Variants in ZNF420 observed in about 807,000 individuals in gnomAD.
ZNF420 encodes the protein zinc finger protein 420.
ZNF420 carries 31 observed loss-of-function variants against 44.7 expected under a neutral mutation model. That is an observed-to-expected ratio of 0.69 (90% CI 0.52 to 0.94). The LOEUF (loss-of-function observed/expected upper bound fraction) is 0.94, where lower values mean the gene tolerates loss of function less well. ZNF420 is among the 40% of genes least tolerant of loss of function. The pLI is 0.00. For missense variants in ZNF420, 681 were observed against 827.9 expected, an observed-to-expected ratio of 0.82 and a Z score of 2.18; for synonymous variants, 245 against 267.4, an observed-to-expected ratio of 0.92 and a Z score of 0.82.
At chr19:37,094,551 T>G (rs1969332048) in intron 4 of ZNF420, among the ~76,000 whole-genome samples, 1 of 152,152 alleles carries the variant, frequency 6.6e-6, no homozygotes, top group Non-Finnish European at 1.5e-5. Context: ...ATTTATTCAG[T>G]CCACATACAA....
At chr19:37,065,861 A>G (rs773094903) in intron 1 of ZNF420, among the ~76,000 whole-genome samples, 1 of 152,242 alleles carries the variant, frequency 6.6e-6, no homozygotes, top group Non-Finnish European at 1.5e-5. Context: ...TGCATTTTCA[A>G]TAAATGGCAC....
chr19:37,054,177 C>A (rs1967698388), intron 1 of ZNF420, among the ~76,000 whole-genome samples: 1 of 152,210 alleles, frequency 6.6e-6, no homozygotes. Context: ...GATATAATCT[C>A]CTGGTGTGCC....
At position 37,127,929 on chromosome 19, in the gene ZNF420, G is replaced by A. The variant is rs1477570365; in HGVS notation, c.938G>A (p.Gly313Glu). Residue 313 changes from glycine (G) to glutamate (E), a missense_variant, in exon 5 of 5, where the codon GGA (glycine) becomes GAA (glutamate). By Grantham distance (98) the Gly-to-Glu change is moderately conservative (BLOSUM62 -2). Coordinates refer to ENST00000337995, the MANE Select transcript of ZNF420 (RefSeq NM_144689.5). ...AAACCCTATGAATGTAAGGAATGTG[G>A]AAAAGCTTTTATTTGTGGCTCACAG... Reference protein sequence around the residue: ...GEKPYECKECGKAFICGSQLS... With the variant: ...GEKPYECKECEKAFICGSQLS... 2 of 1,614,098 alleles carry A rather than the reference G, an allele frequency of 1.2e-6. No homozygotes were observed. The highest frequency in any genetic ancestry group is 1.7e-6 in the Non-Finnish European group (2 of 1,179,976).
At chr19:37,078,277 G>C (rs549946772), upstream of ZNF420, 1 of 152,372 alleles carries the variant, frequency 6.6e-6, no homozygotes, top group East Asian at 1.9e-4. Context: ...CCGAGCCCAC[G>C]AGCCCCTCGA....
At chr19:37,116,327 C>G (rs1034370128) in intron 4 of ZNF420, among the ~76,000 whole-genome samples, 1 of 147,606 alleles carries the variant, frequency 6.8e-6, no homozygotes, top group Non-Finnish European at 1.5e-5. Context: ...CGAGATCACA[C>G]CACTGCACTT....
Position 37,127,552 on chromosome 19 carries a change from A to T in ZNF420, c.561A>T (p.Arg187Ser). ...SRDSQLSLHQRLHTGEKPYAC... is the reference protein window; with the variant it reads ...SRDSQLSLHQSLHTGEKPYAC... ...ATTCACAACTCAGTCTTCATCAGAG[A>T]CTTCATACTGGTGAGAAACCCTATG... The change falls in exon 5 of 5, where the codon AGA (arginine) becomes AGT (serine). Residue 187 changes from arginine to serine, a missense_variant. This residue lies in a region of ZNF420 where 350 missense variants were observed against 382.5 expected (regional missense o/e 0.92). Coordinates refer to ENST00000337995, the MANE Select transcript of ZNF420 (RefSeq NM_144689.5). The T allele has an allele frequency of 1.2e-6, 2 of 1,613,960 alleles. No homozygotes were observed. Among genetic ancestry groups the T allele is most frequent in the Non-Finnish European group, 1.7e-6 (2 of 1,179,858 alleles).
intron 4 of ZNF420, among the ~76,000 whole-genome samples, chr19:37,119,876 A>T (rs1479168160): frequency 6.7e-6 from 1 of 150,326 alleles, no homozygotes; most frequent in Non-Finnish European, 1.5e-5. Flanking sequence ...ATCTAGAAGA[A>T]ATGGATAAAT....
chr19:37,036,641 TTAAAGATAA>T (rs1967360003), intron 1 of ZNF420, among the ~76,000 whole-genome samples: 1 of 152,218 alleles, frequency 6.6e-6, no homozygotes, highest in Non-Finnish European at 1.5e-5. Flanking sequence ...CCCTTGGTTT[TTAAAGATAA>T]TACAAAGTGG....
At chr19:37,025,825 G>A (rs1470011658) in intron 1 of ZNF420, among the ~76,000 whole-genome samples, 1 of 145,742 alleles carries the variant, frequency 6.9e-6, no homozygotes, top group Non-Finnish European at 1.5e-5. Context: ...TGCCTAGGTT[G>A]GAGTACAGTG....
At chr19:37,095,654 A>T (rs1969401331) in intron 4 of ZNF420, among the ~76,000 whole-genome samples, 1 of 151,772 alleles carries the variant, frequency 6.6e-6, no homozygotes, top group Admixed American at 6.6e-5. Flanking sequence ...GCTGTAGTGC[A>T]GTGGCGCAAT....
At chr19:37,058,325 G>A (rs573218555) in intron 1 of ZNF420, among the ~76,000 whole-genome samples, 3 of 152,252 alleles carry the variant, frequency 2.0e-5, no homozygotes, top group African/African-American at 7.2e-5. Context: ...TGCCTAGAAT[G>A]AGCGGTAGGC....
intron 1 of ZNF420, among the ~76,000 whole-genome samples, chr19:37,059,820 C>A (rs1390432296): frequency 1.3e-5 from 2 of 151,928 alleles, no homozygotes; most frequent in African/African-American, 2.4e-5. Flanking sequence ...CTCACTCTAT[C>A]TCTGTGTGTG....
chr19:37,012,760 ATGTCTCTG>A (rs56341860), intron 1 of ZNF420, among the ~76,000 whole-genome samples: 3,854 of 101,968 alleles, frequency 0.038, 116 homozygotes, highest in South Asian at 0.07. Context: ...CCACTGCTAT[ATGTCTCTG>A]TGTGTGTGTG....
rs1599607169 is a variant in ZNF420 at position 37,034,967 on chromosome 19, G to A, written c.-125+26885G>A. 2.0e-5 allele frequency among the ~76,000 whole-genome samples: 3 copies of A among 152,190 alleles called. No individual in the cohort carries two copies. The South Asian group carries it at 6.2e-4, about 32-fold the overall frequency. On this transcript the variant is annotated intron_variant, in intron 1 of 4. Transcript: ENST00000587029. Reference sequence around the variant, plus strand: ...GTTTCACTTTGCTGAGGGAAATAGGGTGGTAAGAACCCTGGTGAGGAAGAC... The same window carrying A: ...GTTTCACTTTGCTGAGGGAAATAGGATGGTAAGAACCCTGGTGAGGAAGAC...
At chr19:37,109,057 G>A (rs867004441) in intron 4 of ZNF420, among the ~76,000 whole-genome samples, 1 of 152,142 alleles carries the variant, frequency 6.6e-6, no homozygotes, top group African/African-American at 2.4e-5. Context: ...GTGACATTCC[G>A]CTTACCATGT....
intron 4 of ZNF420, among the ~76,000 whole-genome samples, chr19:37,112,026 G>A (rs115853630): frequency 0.019 from 2,925 of 151,894 alleles, 77 homozygotes; most frequent in East Asian, 0.05. Context: ...TCCGTTTTCT[G>A]ATTGTTACTT....
Position 37,127,231 on chromosome 19 carries a change from T to C in ZNF420, c.240T>C (p.Asp80=), listed in dbSNP as rs922006139. The C allele has an allele frequency of 6.2e-7, 1 of 1,612,288 alleles. No homozygotes were observed. The highest frequency in any genetic ancestry group is 1.3e-5 in the African/African-American group (1 of 74,902). ...WEMSDRLENC[D]LEESNSRDYL... is the part of the protein sequence containing the mutation. ...TGAGTGACAGACTTGAAAACTGTGA[T>C]CTTGAAGAGTCCAATTCCAGGGATT... Residue 80 remains aspartate (D), a synonymous_variant, in exon 5 of 5, where the codon GAT becomes GAC. Transcript: ENST00000337995.
intron 4 of ZNF420, among the ~76,000 whole-genome samples, chr19:37,108,559 C>G (rs1970219962): frequency 6.6e-6 from 1 of 152,128 alleles, no homozygotes; most frequent in Non-Finnish European, 1.5e-5. Context: ...TATAAAATGG[C>G]TTATGATCTC....
chr19:37,085,747 TTCTTC>T (rs967239738), intron 2 of ZNF420, among the ~76,000 whole-genome samples: 6 of 151,842 alleles, frequency 4.0e-5, no homozygotes, highest in African/African-American at 1.2e-4. Context: ...TCTTTTTTCT[TTCTTC>T]TCTTTTCTTT....
Sources: allele counts gnomAD v4.1 joint callset (sites outside exome capture counted in the v4.1 genomes callset), GRCh38; gene constraint gnomAD v4.1.1; regional missense constraint gnomAD v4.1.1; transcripts MANE v1.5; gene names NCBI Gene and HGNC (gene_info 2026-07-23, HGNC 2026-07-21).